ESR1: variants seen among roughly 807,000 people sequenced by gnomAD.
The protein encoded by ESR1 is estrogen receptor.
A neutral mutation model predicts 52.7 loss-of-function variants in ESR1; 12 were observed. The ratio of observed to expected loss-of-function variants is 0.23; its 90% confidence interval spans 0.15 to 0.37. The LOEUF is 0.37. Ranked by LOEUF, ESR1 falls within the 10% of genes least tolerant of loss-of-function variation. The pLI, the probability that ESR1 is intolerant of heterozygous loss-of-function variation, is 1.00. For synonymous variants in ESR1, 305 were observed against 316.8 expected, an observed-to-expected ratio of 0.96 and a Z score of 0.39; for missense variants, 584 against 779.7, an observed-to-expected ratio of 0.75 and a Z score of 2.99.
Position 151,698,578 on chromosome 6 carries a change from T to A in ESR1, c.-201-3297T>A, listed in dbSNP as rs567307365. 6.6e-5 allele frequency among the ~76,000 whole-genome samples: 10 copies of A among 152,238 alleles called. No individual in the cohort carries two copies. In the South Asian group the frequency reaches 1.9e-3, roughly 28 times the overall value. ...AAAGCTAAATTCTGTGATTTGTGGGTAGAGGGAAGGAGGACGAGTGTCCTT... is the reference window on the plus strand; with the variant it reads ...AAAGCTAAATTCTGTGATTTGTGGGAAGAGGGAAGGAGGACGAGTGTCCTT... On this transcript the variant is annotated intron_variant, in intron 1 of 2. Coordinates refer to the ESR1 transcript ENST00000404742.
intron 3 of ESR1, among the ~76,000 whole-genome samples, chr6:151,921,852 T>G (rs4579365): frequency 0.61 from 93,074 of 152,002 alleles, 29,188 homozygotes; most frequent in Middle Eastern, 0.76. Context: ...TTGTCAGATG[T>G]ATAGATTGCA....
intron 3 of ESR1, among the ~76,000 whole-genome samples, chr6:151,891,379 C>A (rs896570080): frequency 3.3e-5 from 5 of 152,112 alleles, no homozygotes; most frequent in Admixed American, 2.0e-4. Context: ...GATGTAAGGA[C>A]TTTTTCCGTA....
At chr6:151,774,122 G>T (rs1785753862) in intron 2 of ESR1, among the ~76,000 whole-genome samples, 1 of 152,178 alleles carries the variant, frequency 6.6e-6, no homozygotes, top group Non-Finnish European at 1.5e-5. Context: ...CTTCTGGAAA[G>T]GTTTGGTCAG....
intron 2 of ESR1, among the ~76,000 whole-genome samples, chr6:151,753,070 A>C (rs1784016551): frequency 6.6e-6 from 1 of 152,184 alleles, no homozygotes; most frequent in Admixed American, 6.5e-5. Flanking sequence ...TAAGTATTAA[A>C]ATTTCAGCTT....
chr6:151,725,729 G>A (rs1339526775), intron 2 of ESR1, among the ~76,000 whole-genome samples: 1 of 152,192 alleles, frequency 6.6e-6, no homozygotes, highest in East Asian at 1.9e-4. Context: ...TCTACATGAA[G>A]GGCATTACCA....
chr6:151,805,846 T>C (rs1034975336), upstream of ESR1: 9 of 152,264 alleles, frequency 5.9e-5, no homozygotes. Flanking sequence ...TTTCTCTCTC[T>C]GTAGCTTTAG....
chr6:151,941,989 G>T (rs2035127819), intron 3 of ESR1, among the ~76,000 whole-genome samples: 1 of 152,118 alleles, frequency 6.6e-6, no homozygotes, highest in Non-Finnish European at 1.5e-5. Flanking sequence ...CTGATTTCAT[G>T]TCTCCTTACC....
intron 2 of ESR1, among the ~76,000 whole-genome samples, chr6:151,796,122 G>A (rs1321550718): frequency 6.6e-6 from 1 of 151,084 alleles, no homozygotes; most frequent in Non-Finnish European, 1.5e-5. Context: ...GCCGAGATTG[G>A]GCCACTGCAC....
intron 6 of ESR1, among the ~76,000 whole-genome samples, chr6:152,088,138 A>G (rs2049891390): frequency 6.6e-6 from 1 of 152,216 alleles, no homozygotes; most frequent in South Asian, 2.1e-4. Context: ...AGGAGAAATT[A>G]TATTAAACTA....
rs2152496729 is a variant in ESR1, at chr6:152,094,560, G to A, written c.1545G>A (p.Arg515=). The change falls in exon 7 of 8, where the codon AGG becomes AGA. Residue 515 remains arginine, a synonymous_variant. Coordinates refer to ENST00000206249, the MANE Select transcript of ESR1 (RefSeq NM_000125.4). The surrounding 1 kb of genome is among the most constrained non-coding windows in gnomAD (Gnocchi z 4.6). ...TCCTCCTCATCCTCTCCCACATCAG[G>A]CACATGAGGTGAGGCATCTGTGGGC... ...AQLLLILSHI[R]HMSNKGMEHL... 2 of 1,613,862 alleles carry A rather than the reference G, an allele frequency of 1.2e-6. No homozygotes were observed. The highest frequency in any genetic ancestry group is 1.7e-6 in the Non-Finnish European group (2 of 1,180,010).
At chr6:152,118,913 T>G (rs571386234) in intron 6 of ESR1, among the ~76,000 whole-genome samples, 37 of 152,152 alleles carry the variant, frequency 2.4e-4, no homozygotes, top group Non-Finnish European at 4.9e-4. Flanking sequence ...TAATGTCTGT[T>G]GCTCTCCCCA....
chr6:151,944,908 C>T (rs9340903), intron 4 of ESR1, among the ~76,000 whole-genome samples: 21,679 of 152,056 alleles, frequency 0.14, 3,138 homozygotes, highest in African/African-American at 0.36. Context: ...ATTAATCAAA[C>T]GATTTTATCT....
chr6:151,774,939 A>C (rs1476282413), intron 2 of ESR1, among the ~76,000 whole-genome samples: 1 of 152,238 alleles, frequency 6.6e-6, no homozygotes, highest in Admixed American at 6.5e-5. Flanking sequence ...TTCACTTTTA[A>C]TATAATTTTA....
At chr6:151,865,409 T>C (rs928909876) in intron 2 of ESR1, among the ~76,000 whole-genome samples, 13 of 152,180 alleles carry the variant, frequency 8.5e-5, no homozygotes, top group African/African-American at 2.2e-4. Flanking sequence ...TATTGTTTCA[T>C]TGGGTTGTAT....
At chr6:151,686,430 A>C (rs1312763478), upstream of ESR1, among the ~76,000 whole-genome samples, 1 of 152,202 alleles carries the variant, frequency 6.6e-6, no homozygotes, top group East Asian at 1.9e-4. Flanking sequence ...TCACGCCTGT[A>C]ATCCCAGCAT....
chr6:152,092,285 A>G (rs1378127635), intron 6 of ESR1, among the ~76,000 whole-genome samples: 3 of 152,256 alleles, frequency 2.0e-5, no homozygotes, highest in African/African-American at 4.8e-5. Context: ...AAGGTGCCCC[A>G]GGGTACCAAA....
At chr6:152,028,141 C>T (rs2044319678) in intron 5 of ESR1, among the ~76,000 whole-genome samples, 1 of 151,696 alleles carries the variant, frequency 6.6e-6, no homozygotes, top group Non-Finnish European at 1.5e-5. Flanking sequence ...GAGACTTTGT[C>T]TCAAAAAAAA....
chr6:151,694,471 T>G (rs534774622), intron 1 of ESR1, among the ~76,000 whole-genome samples: 4 of 152,218 alleles, frequency 2.6e-5, no homozygotes, highest in South Asian at 2.1e-4. Context: ...TAAAAGAGTT[T>G]TGTACAAAGT....
At chr6:151,694,757 C>T (rs1193891855) in intron 1 of ESR1, among the ~76,000 whole-genome samples, 11 of 150,540 alleles carry the variant, frequency 7.3e-5, no homozygotes, top group Non-Finnish European at 4.4e-5. Context: ...ATTGAACTCC[C>T]ACCTGGGCAA....
Sources: allele counts gnomAD v4.1 joint callset (sites outside exome capture counted in the v4.1 genomes callset), GRCh38; gene constraint gnomAD v4.1.1; non-coding constraint Gnocchi (gnomAD v3.1); transcripts MANE v1.5; gene names NCBI Gene and HGNC (gene_info 2026-07-23, HGNC 2026-07-21).